The following KIF13B variants were observed in gnomAD, a reference collection of about 807,000 sequenced individuals.
KIF13B encodes kinesin-like protein KIF13B.
Under a neutral mutation model 222.0 loss-of-function variants are expected in KIF13B, and 127 were observed. The ratio of observed to expected loss-of-function variants is 0.57; its 90% CI spans 0.50 to 0.66. KIF13B has a LOEUF of 0.66. Ranked by LOEUF, KIF13B falls within the 30% of genes least tolerant of loss-of-function variation. The pLI is 0.00. For missense variants in KIF13B, 2,173 were observed against 2,379.0 expected, an observed-to-expected ratio of 0.91 and a Z score of 1.80; for synonymous variants, 976 against 919.0, an observed-to-expected ratio of 1.06 and a Z score of -1.12.
chr8:29,139,905 G>T, intron 21 of KIF13B, 158 bp downstream of exon 21: 1 of 673,212 alleles, frequency 1.5e-6, no homozygotes. Flanking sequence ...TCCAAAATTT[G>T]AAAAGGAACA....
Position 29,147,533 on chromosome 8 carries a change from C to T in KIF13B, c.1883G>A (p.Arg628His), listed in dbSNP as rs752388020. Residue 628 changes from arginine to histidine, a missense_variant, in exon 17 of 40, where the codon CGC (arginine) becomes CAC (histidine). By Grantham distance (29) the Arg-to-His change is conservative. Transcript: ENST00000524189. ...TTCGTGCTCATACATAAGCCTCTGG[C>T]GCTCCAGTGCAGATCGTTTTTCTTC... ...HEEEKRSALE[R>H]QRLMYEHELE... The T allele has an allele frequency of 5.0e-6, 8 of 1,613,574 alleles. No individual in the cohort carries two copies. Among genetic ancestry groups the T allele is most frequent in the South Asian group, 1.1e-5 (1 of 91,054 alleles).
At chr8:29,263,136 T>A (rs969997739), upstream of KIF13B, 1 of 326,636 alleles carries the variant, frequency 3.1e-6, no homozygotes, top group Admixed American at 3.8e-5. Context: ...GAGCCGGGGG[T>A]GGGGACCGGG....
At chr8:29,090,024 C>T (rs1808222426) in intron 37 of KIF13B, among the ~76,000 whole-genome samples, 1 of 152,140 alleles carries the variant, frequency 6.6e-6, no homozygotes, top group African/African-American at 2.4e-5. Context: ...GAATGTTCTA[C>T]GGGAGGCCTT....
chr8:29,169,323 G>A (rs1338839931), intron 10 of KIF13B, among the ~76,000 whole-genome samples: 1 of 152,200 alleles, frequency 6.6e-6, no homozygotes, highest in East Asian at 1.9e-4. Context: ...GAACTGGTAA[G>A]TTGAACAATA....
chr8:29,257,434 TCAATC>T (rs1210595478), intron 1 of KIF13B, among the ~76,000 whole-genome samples: 5 of 152,116 alleles, frequency 3.3e-5, no homozygotes, highest in Admixed American at 6.6e-5. Flanking sequence ...AATCAGCACT[TCAATC>T]CATCTCCTTA....
rs534237365 is a variant in KIF13B at position 29,161,815 on chromosome 8, C to T, written c.1270-948G>A. The stretch of plus-strand genomic sequence containing the variant: ...TATCTGGAGCAGACGTGTTCTACTT[C>T]GTAACTGTTCACCGGGCCATTTCTC... On this transcript the variant is annotated intron_variant, in intron 12 of 39. Coordinates refer to ENST00000524189, the MANE Select transcript of KIF13B (RefSeq NM_015254.4). Among the ~76,000 whole-genome samples the T allele has an allele frequency of 4.0e-5, 6 of 151,642 alleles. No homozygotes were observed. The East Asian group carries it at 5.8e-4, about 15-fold the overall frequency.
intron 30 of KIF13B, among the ~76,000 whole-genome samples, chr8:29,118,030 T>A (rs1237049827): frequency 6.6e-6 from 1 of 151,282 alleles, no homozygotes; most frequent in Non-Finnish European, 1.5e-5. Flanking sequence ...TGATGGCATG[T>A]GCCTGTACTC....
chr8:29,150,683 C>T (rs1453113312), intron 14 of KIF13B, among the ~76,000 whole-genome samples: 1 of 152,174 alleles, frequency 6.6e-6, no homozygotes, highest in Non-Finnish European at 1.5e-5. Flanking sequence ...ACTTTTCAAA[C>T]AGCACGTGCT....
intron 23 of KIF13B, among the ~76,000 whole-genome samples, chr8:29,131,141 T>C (rs947861909): frequency 2.0e-4 from 30 of 152,084 alleles, no homozygotes; most frequent in Middle Eastern, 3.4e-3. Context: ...GACAAAAAGA[T>C]AGCAACAACA....
chr8:29,156,094 G>A (rs748415304), intron 13 of KIF13B, among the ~76,000 whole-genome samples: 5 of 151,950 alleles, frequency 3.3e-5, no homozygotes, highest in Non-Finnish European at 7.4e-5. Context: ...TCAGCCACCC[G>A]AGTAGCTGGG....
intron 1 of KIF13B, among the ~76,000 whole-genome samples, chr8:29,255,590 C>T (rs537361512): frequency 6.6e-6 from 1 of 152,022 alleles, no homozygotes; most frequent in East Asian, 1.9e-4. Flanking sequence ...AAAAAGGTAC[C>T]TACCCCTCCA....
intron 17 of KIF13B, 25 bp downstream of exon 17, chr8:29,147,367 T>C: frequency 6.4e-7 from 1 of 1,562,994 alleles, no homozygotes; most frequent in Non-Finnish European, 8.7e-7. Context: ...GCTATAAAGT[T>C]AACAGGCCCC....
At chr8:29,209,187 A>G (rs761050529) in intron 2 of KIF13B, among the ~76,000 whole-genome samples, 2 of 152,208 alleles carry the variant, frequency 1.3e-5, no homozygotes, top group African/African-American at 2.4e-5. Flanking sequence ...ACTGCCAGAG[A>G]AGGAGGAAAA....
intron 13 of KIF13B, 62 bp from the exon 14 acceptor site, chr8:29,155,918 T>C: frequency 2.3e-6 from 3 of 1,317,356 alleles, no homozygotes; most frequent in Non-Finnish European, 3.2e-6. Flanking sequence ...ATTGAAATCA[T>C]TTACACTGAG....
intron 13 of KIF13B, among the ~76,000 whole-genome samples, chr8:29,158,404 T>C (rs944449547): frequency 4.6e-5 from 7 of 152,180 alleles, no homozygotes; most frequent in Non-Finnish European, 7.3e-5. Context: ...TATTGATAGA[T>C]GGGTATAATG....
intron 2 of KIF13B, among the ~76,000 whole-genome samples, chr8:29,236,191 T>A (rs1017148167): frequency 1.3e-5 from 2 of 151,420 alleles, no homozygotes; most frequent in Non-Finnish European, 2.9e-5. Context: ...CCTCACTATA[T>A]TTTTTTCCTC....
At chr8:29,177,660 G>A in intron 8 of KIF13B, 82 bp from the exon 9 acceptor site, 1 of 919,220 alleles carries the variant, frequency 1.1e-6, no homozygotes. Flanking sequence ...CCAGCACTTT[G>A]GGAGGACAAG....
chr8:29,172,587 T>A (rs1249679915), intron 10 of KIF13B, among the ~76,000 whole-genome samples: 1 of 152,262 alleles, frequency 6.6e-6, no homozygotes, highest in Non-Finnish European at 1.5e-5. Flanking sequence ...ACTGGTAATA[T>A]GAAGTGAGTA....
chr8:29,160,948 A>C, intron 12 of KIF13B, 81 bp from the exon 13 acceptor site: 1 of 1,164,450 alleles, frequency 8.6e-7, no homozygotes, highest in South Asian at 1.5e-5. Context: ...ACAATGTTAC[A>C]ATTATTCAAT....
Sources: allele counts gnomAD v4.1 joint callset (sites outside exome capture counted in the v4.1 genomes callset), GRCh38; gene constraint gnomAD v4.1.1; transcripts MANE v1.5; gene names NCBI Gene and HGNC (gene_info 2026-07-23, HGNC 2026-07-21).